CHST8: variants seen among roughly 807,000 people sequenced by gnomAD.
CHST8 encodes the protein GALNAC-4-ST1.
In CHST8, 10 loss-of-function variants were observed where a neutral mutation model predicts 15.0. The observed-to-expected ratio is 0.67, with a 90% CI of 0.41 to 1.13. The LOEUF (loss-of-function observed/expected upper bound fraction) is 1.13, where lower values mean the gene tolerates loss of function less well. Ranked by LOEUF, CHST8 falls within the 50% of genes most tolerant of loss-of-function variation. CHST8 has a pLI of 0.00. For missense variants in CHST8, 634 were observed against 608.2 expected (o/e 1.04, Z -0.45); for synonymous variants, 259 against 256.6 (o/e 1.01, Z -0.09).
In CHST8 at chr19:33,765,066, A is replaced by G. The variant is rs6510395; in HGVS notation, c.131-6347A>G. ...GTACTATTCCATCATATATATATATATATATATCAGAGTTTCTTTATCCAC... is the reference window on the plus strand; with the variant it reads ...GTACTATTCCATCATATATATATATGTATATATCAGAGTTTCTTTATCCAC... On this transcript the variant is annotated intron_variant, in intron 3 of 4. Transcript: ENST00000650847. 6.3e-5 allele frequency among the ~76,000 whole-genome samples: 7 copies of G among 111,494 alleles called. 1 individual carries two copies. The highest frequency in any genetic ancestry group is 9.6e-5 in the Non-Finnish European group (5 of 51,926). 73.1% of individuals were successfully genotyped at this position (111,494 alleles called of 152,430 possible).
At chr19:33,700,599 C>T (rs149094867) in intron 3 of CHST8, among the ~76,000 whole-genome samples, 30 of 152,338 alleles carry the variant, frequency 2.0e-4, no homozygotes, top group African/African-American at 7.2e-4. Flanking sequence ...GGGTGGGGTC[C>T]TTGTCACAGT....
intron 3 of CHST8, among the ~76,000 whole-genome samples, chr19:33,742,752 T>C (rs1974222563): frequency 6.6e-6 from 1 of 152,212 alleles, no homozygotes; most frequent in Non-Finnish European, 1.5e-5. Flanking sequence ...TTCTTGTTTT[T>C]TGGGATGCCA....
chr19:33,731,944 G>T (rs1299914695), intron 3 of CHST8, among the ~76,000 whole-genome samples: 2 of 152,180 alleles, frequency 1.3e-5, no homozygotes, highest in Non-Finnish European at 2.9e-5. Flanking sequence ...TGTCTCAATG[G>T]CTCAGTCCAC....
chr19:33,690,598 C>T (rs1005340541), intron 3 of CHST8, among the ~76,000 whole-genome samples: 3 of 152,290 alleles, frequency 2.0e-5, no homozygotes, highest in African/African-American at 4.8e-5. Flanking sequence ...GCAGCCAAGG[C>T]GGTGGCCTCC....
chr19:33,756,853 C>T (rs904810958), intron 3 of CHST8, among the ~76,000 whole-genome samples: 4 of 152,248 alleles, frequency 2.6e-5, no homozygotes, highest in African/African-American at 9.6e-5. Context: ...CCCACTTTCC[C>T]CAACCCTGCA....
chr19:33,643,264 G>A (rs1972306992), intron 1 of CHST8, among the ~76,000 whole-genome samples: 1 of 152,018 alleles, frequency 6.6e-6, no homozygotes, highest in Admixed American at 6.6e-5. Flanking sequence ...TTAAATCTGT[G>A]TCAATTAGAT....
At chr19:33,718,599 T>C (rs1010627136) in intron 3 of CHST8, among the ~76,000 whole-genome samples, 2 of 152,254 alleles carry the variant, frequency 1.3e-5, no homozygotes, top group African/African-American at 4.8e-5. Context: ...CATCTGCTGC[T>C]GTTCCTCTCT....
At chr19:33,712,005 CAGG>C (rs1973561230) in intron 3 of CHST8, among the ~76,000 whole-genome samples, 1 of 152,128 alleles carries the variant, frequency 6.6e-6, no homozygotes, top group East Asian at 1.9e-4. Flanking sequence ...GAAGTTTAGA[CAGG>C]AAACCGTAAT....
At chr19:33,631,185 C>T (rs1170259418) in intron 1 of CHST8, among the ~76,000 whole-genome samples, 1 of 152,254 alleles carries the variant, frequency 6.6e-6, no homozygotes, top group African/African-American at 2.4e-5. Context: ...GCCAGCCTCT[C>T]TCTGGCTTGC....
At chr19:33,676,584 A>C (rs535568561) in intron 2 of CHST8, among the ~76,000 whole-genome samples, 8 of 151,904 alleles carry the variant, frequency 5.3e-5, no homozygotes, top group Non-Finnish European at 1.0e-4. Context: ...TAATAATAAT[A>C]ATAATTTTTG....
At chr19:33,643,288 G>T (rs976000188) in intron 1 of CHST8, among the ~76,000 whole-genome samples, 1 of 152,120 alleles carries the variant, frequency 6.6e-6, no homozygotes, top group African/African-American at 2.4e-5. Flanking sequence ...TTAAAGAGGG[G>T]CGTGATTATT....
rs535659430 is a variant in CHST8, at chr19:33,749,597, C to T, written c.131-21816C>T. Among the ~76,000 whole-genome samples, 141 of 152,200 alleles carry T rather than the reference C, an allele frequency of 9.3e-4. No individual in the cohort carries two copies. The Middle Eastern group carries it at 0.01, about 11-fold the overall frequency. On this transcript the variant is annotated intron_variant, in intron 3 of 4. Transcript: ENST00000650847. ...AAGACAGCGGTGATGAGGCACAGGG[C>T]AGGGTCAGGCTCTGCCTCTAAGTCC... is the stretch of plus-strand genomic sequence containing the variant.
intron 3 of CHST8, among the ~76,000 whole-genome samples, chr19:33,707,151 C>T (rs1973463127): frequency 6.6e-6 from 1 of 152,146 alleles, no homozygotes; most frequent in South Asian, 2.1e-4. Context: ...CTCCTGGGCT[C>T]AAGCGATCCT....
intron 2 of CHST8, among the ~76,000 whole-genome samples, chr19:33,676,864 G>A (rs1199085684): frequency 6.7e-6 from 1 of 150,336 alleles, no homozygotes; most frequent in African/African-American, 2.5e-5. Flanking sequence ...GTGACAGAGC[G>A]AGACCCAGAC....
intron 3 of CHST8, among the ~76,000 whole-genome samples, chr19:33,770,567 A>G (rs138380405): frequency 3.9e-5 from 6 of 152,314 alleles, no homozygotes; most frequent in Non-Finnish European, 8.8e-5. Context: ...ATGACACAGA[A>G]TATTCTGCTC....
At chr19:33,690,623 G>A (rs187886398) in intron 3 of CHST8, among the ~76,000 whole-genome samples, 128 of 152,300 alleles carry the variant, frequency 8.4e-4, no homozygotes, top group Middle Eastern at 3.4e-3. Flanking sequence ...GATGGTGGGC[G>A]AGTCATCGGT....
At chr19:33,668,536 C>G (rs907642102) in intron 2 of CHST8, among the ~76,000 whole-genome samples, 2 of 152,134 alleles carry the variant, frequency 1.3e-5, no homozygotes, top group Non-Finnish European at 2.9e-5. Flanking sequence ...TCATGAAGAG[C>G]AGCAGCTCTC....
intron 3 of CHST8, among the ~76,000 whole-genome samples, chr19:33,741,534 C>G (rs1336134653): frequency 1.3e-5 from 2 of 152,152 alleles, no homozygotes; most frequent in African/African-American, 2.4e-5. Context: ...AGCAAATATA[C>G]CATCATCCCA....
chr19:33,675,465 C>G (rs944817739), intron 2 of CHST8, among the ~76,000 whole-genome samples: 1 of 152,234 alleles, frequency 6.6e-6, no homozygotes, highest in Admixed American at 6.5e-5. Context: ...TGTAGAGCCT[C>G]GATTTCCCTG....
Sources: allele counts gnomAD v4.1 joint callset (sites outside exome capture counted in the v4.1 genomes callset), GRCh38; gene constraint gnomAD v4.1.1; transcripts MANE v1.5; gene names NCBI Gene and HGNC (gene_info 2026-07-23, HGNC 2026-07-21).